SDK2: variants seen among roughly 807,000 people sequenced by gnomAD.
The protein encoded by SDK2 is protein sidekick-2.
In SDK2, 105 loss-of-function variants were observed where a neutral mutation model predicts 253.9. The ratio of observed to expected loss-of-function variants is 0.41; its 90% CI spans 0.35 to 0.49. The LOEUF is 0.49. Ranked by LOEUF, SDK2 falls within the 20% of genes least tolerant of loss-of-function variation. The pLI is 0.06. For missense variants in SDK2, 2,608 were observed against 3,003.0 expected (o/e 0.87, Z 3.07); for synonymous variants, 1,249 against 1,234.9 (o/e 1.01, Z -0.24).
chr17:73,367,849 TTTG>T (rs997469603), intron 37 of SDK2, among the ~76,000 whole-genome samples: 1 of 152,144 alleles, frequency 6.6e-6, no homozygotes, highest in Admixed American at 6.5e-5. Context: ...CAGGGAGGGC[TTTG>T]TGGGTGAGCC....
chr17:73,390,565 C>T, intron 28 of SDK2, 84 bp from the exon 29 acceptor site: 1 of 1,382,812 alleles, frequency 7.2e-7, no homozygotes, highest in South Asian at 1.4e-5. Context: ...CGTCCAAAGC[C>T]ACAGCTGTGT....
chr17:73,558,734 C>T (rs2045183133), intron 1 of SDK2, among the ~76,000 whole-genome samples: 1 of 152,136 alleles, frequency 6.6e-6, no homozygotes. Context: ...CCCAAGTTAA[C>T]AGAACTTCAG....
chr17:73,534,051 T>TCCTCCTCCTCCTCCTTCCCCG lies in SDK2; in HGVS notation c.65-26475_65-26455dup, dbSNP rs1164320705. Among the ~76,000 whole-genome samples, 12 of 152,104 alleles carry TCCTCCTCCTCCTCCTTCCCCG rather than the reference T, an allele frequency of 7.9e-5. No homozygotes were observed. The highest frequency in any genetic ancestry group is 2.9e-4 in the African/African-American group (12 of 41,414). On this transcript the variant is annotated intron_variant, in intron 1 of 44. Transcript: ENST00000392650. This position sits in a 1 kb window ranked among gnomAD's most constrained non-coding sequence, Gnocchi z 4.9. ...TTCTGCTCCGCCTGCTCCCTGCTCC[T>TCCTCCTCCTCCTCCTTCCCCG]CCTCCTCCTCCTCCTTCCCCGCCTC...
rs117689792 is a variant in SDK2, at chr17:73,639,214, C to T, written c.64+4811G>A. 3.9e-4 allele frequency among the ~76,000 whole-genome samples: 59 copies of T among 152,312 alleles called. No individual in the cohort carries two copies. The East Asian group carries it at 4.3e-3, about 11-fold the overall frequency. On this transcript the variant is annotated intron_variant, in intron 1 of 44. Transcript: ENST00000392650. The surrounding 1 kb of genome is among the most constrained non-coding windows in gnomAD (Gnocchi z 4.3). The stretch of plus-strand genomic sequence containing the variant: ...GCAGGATTCAAAGGGGCAGAAGCCA[C>T]GCTGGGAGCCATTCACCACGTCTGC...
intron 15 of SDK2, among the ~76,000 whole-genome samples, chr17:73,420,201 T>C (rs1289654511): frequency 6.6e-6 from 1 of 152,266 alleles, no homozygotes; most frequent in Admixed American, 6.5e-5. Flanking sequence ...GATGCTGTGT[T>C]CTGCCTAAGT....
At position 73,338,996 on chromosome 17, in the gene SDK2, G is replaced by A; in HGVS notation, c.6166-56C>T. On this transcript the variant is annotated intron_variant, in intron 44 of 44. Coordinates refer to ENST00000392650, the MANE Select transcript of SDK2 (RefSeq NM_001144952.2). This position sits in a 1 kb window ranked among gnomAD's most constrained non-coding sequence, Gnocchi z 5.0. The stretch of plus-strand genomic sequence containing the variant: ...TGGCCCCGTAGGGACAGGCCATTGT[G>A]GTTGGGGCCGGAAGGCACAGGGCAT... 1.3e-6 allele frequency: 2 copies of A among 1,495,038 alleles called. No homozygotes were observed. The highest frequency in any genetic ancestry group is 1.9e-6 in the Non-Finnish European group (2 of 1,074,630). The allele number at this position is 1,495,038 out of a possible 1,614,324, so 92.6% of individuals were successfully genotyped here. A position where few individuals can be genotyped will look rare whatever the true frequency, so the allele number is the denominator to read the frequency against.
chr17:73,398,219 G>C lies in SDK2; in HGVS notation c.3204-34C>G, dbSNP rs576199502. ...GGGGAGAGATGAGCAAGATGGTAAG[G>C]GCAGCTCACCCAACTCTCAACCCTG... is the stretch of plus-strand genomic sequence containing the variant. On this transcript the variant is annotated intron_variant, in intron 23 of 44. Coordinates refer to ENST00000392650, the MANE Select transcript of SDK2 (RefSeq NM_001144952.2). 6 of 1,601,744 alleles carry C rather than the reference G, an allele frequency of 3.7e-6. No individual in the cohort carries two copies. In the African/African-American group the frequency reaches 6.7e-5, roughly 18 times the overall value.
intron 3 of SDK2, among the ~76,000 whole-genome samples, chr17:73,464,239 G>A (rs536879293): frequency 8.0e-4 from 122 of 152,266 alleles, no homozygotes; most frequent in Non-Finnish European, 5.9e-4. Context: ...TCAAGGGCAG[G>A]ACCAGGCGGA....
At chr17:73,457,239 C>T (rs1178340459) in intron 3 of SDK2, among the ~76,000 whole-genome samples, 1 of 47,448 alleles carries the variant, frequency 2.1e-5, no homozygotes, top group East Asian at 2.2e-3. Context: ...TCCTTCCTTC[C>T]TTCCTTCCTT....
chr17:73,575,415 C>T (rs1359238326), intron 1 of SDK2, among the ~76,000 whole-genome samples: 1 of 152,228 alleles, frequency 6.6e-6, no homozygotes, highest in African/African-American at 2.4e-5. Context: ...ATTTCCAGAA[C>T]GCCTGCCAGT....
rs867810883 is a variant in SDK2, at chr17:73,644,311, G to C, written c.-223C>G. 6.6e-6 allele frequency among the ~76,000 whole-genome samples: 1 copy of C among 152,178 alleles called. No homozygotes were observed. The highest frequency in any genetic ancestry group is 1.5e-5 in the Non-Finnish European group (1 of 68,010). ...GCCCGGCAGCGCGCCCGGAAGGCGA[G>C]GGGCGAGCAGGGAGAAAGAGGCCAG... On this transcript the variant is annotated 5_prime_UTR_variant, in exon 1 of 45. Transcript: ENST00000392650. This position sits in a 1 kb window ranked among gnomAD's most constrained non-coding sequence, Gnocchi z 6.3.
intron 1 of SDK2, among the ~76,000 whole-genome samples, chr17:73,622,690 T>C (rs1221555266): frequency 2.6e-5 from 4 of 152,176 alleles, no homozygotes; most frequent in Non-Finnish European, 5.9e-5. Context: ...CCTCCTCCCA[T>C]GGGACAAGGG....
intron 1 of SDK2, among the ~76,000 whole-genome samples, chr17:73,641,589 C>T (rs545647305): frequency 1.3e-5 from 2 of 151,962 alleles, no homozygotes; most frequent in Non-Finnish European, 2.9e-5. Context: ...ACCCACCCCC[C>T]ATCCCCAAAA....
intron 2 of SDK2, among the ~76,000 whole-genome samples, chr17:73,490,889 G>A (rs1464441847): frequency 4.6e-5 from 7 of 151,928 alleles, no homozygotes; most frequent in Non-Finnish European, 1.0e-4. Flanking sequence ...ACCACCCTAC[G>A]AGGTCAGAAA....
intron 1 of SDK2, among the ~76,000 whole-genome samples, chr17:73,574,553 T>TG (rs2045432468): frequency 6.6e-6 from 1 of 152,132 alleles, no homozygotes; most frequent in African/African-American, 2.4e-5. Context: ...GTGCAGGAGA[T>TG]GGGGGTGGAT....
At chr17:73,353,719 T>TC (rs2062559770) in intron 40 of SDK2, among the ~76,000 whole-genome samples, 2 of 147,758 alleles carry the variant, frequency 1.4e-5, no homozygotes. Flanking sequence ...TTTTTTTTTT[T>TC]TTGAGATGGA....
chr17:73,483,619 ATATATG>A (rs1371200824), intron 2 of SDK2, among the ~76,000 whole-genome samples: 20 of 133,904 alleles, frequency 1.5e-4, no homozygotes, highest in East Asian at 6.1e-4. Flanking sequence ...ATATATGTAT[ATATATG>A]TATATGTATA....
At chr17:73,416,923 G>T (rs1760071427) in intron 16 of SDK2, among the ~76,000 whole-genome samples, 1 of 152,128 alleles carries the variant, frequency 6.6e-6, no homozygotes, top group Admixed American at 6.6e-5. Flanking sequence ...ATCAGAAAAA[G>T]TTTTAGAGAT....
chr17:73,472,405 C>T (rs1040684237), intron 2 of SDK2, among the ~76,000 whole-genome samples, 187 bp from the exon 3 acceptor site: 4 of 152,192 alleles, frequency 2.6e-5, no homozygotes, highest in African/African-American at 9.7e-5. Context: ...AGGAGGGTTC[C>T]TCCCAAAGCC....
Sources: gnomAD v4.1 joint callset for allele counts (sites outside exome capture counted in the v4.1 genomes callset) on GRCh38, gnomAD v4.1.1 for gene constraint, Gnocchi (gnomAD v3.1) non-coding constraint, MANE v1.5 for transcripts, NCBI Gene and HGNC (gene_info 2026-07-23, HGNC 2026-07-21) for gene names.